MYOF: variants seen among roughly 807,000 people sequenced by gnomAD.
MYOF encodes the protein fer-1-like 3, myoferlin.
In MYOF, 244 loss-of-function variants were observed where a neutral mutation model predicts 284.2. That is an observed-to-expected ratio of 0.86 (90% CI 0.77 to 0.95). The LOEUF is 0.95. MYOF is among the 40% of genes least tolerant of loss of function. MYOF has a pLI of 0.00. For synonymous variants in MYOF, 904 were observed against 919.7 expected (o/e 0.98, Z 0.31); for missense variants, 2,496 against 2,560.6 (o/e 0.97, Z 0.54).
intron 1 of MYOF, among the ~76,000 whole-genome samples, chr10:93,481,169 T>C (rs1156923491): frequency 2.0e-5 from 3 of 152,186 alleles, no homozygotes; most frequent in African/African-American, 2.4e-5. Context: ...TCCCCTGCAA[T>C]GGCAATCAAG....
chr10:93,388,106 C>G (rs947932887), intron 18 of MYOF, among the ~76,000 whole-genome samples, 193 bp from the exon 19 acceptor site: 2 of 151,894 alleles, frequency 1.3e-5, no homozygotes, highest in African/African-American at 4.8e-5. Context: ...GGCTTTAGGA[C>G]AGATCTCAAA....
At chr10:93,340,294 T>C in intron 38 of MYOF, 130 bp from the exon 39 acceptor site, 1 of 856,870 alleles carries the variant, frequency 1.2e-6, no homozygotes, top group South Asian at 1.6e-5. Flanking sequence ...CCTTATATTA[T>C]CAACATTTCA....
intron 43 of MYOF, among the ~76,000 whole-genome samples, chr10:93,331,370 G>A (rs1019531638): frequency 2.0e-5 from 3 of 152,154 alleles, no homozygotes; most frequent in Non-Finnish European, 2.9e-5. Flanking sequence ...CTGCCCATCC[G>A]CCAGACAGCG....
At chr10:93,376,662 C>T (rs1490994324) in intron 22 of MYOF, among the ~76,000 whole-genome samples, 11 of 152,108 alleles carry the variant, frequency 7.2e-5, no homozygotes, top group African/African-American at 2.2e-4. Context: ...GCTTTTCTTT[C>T]GGAACTTCCC....
chr10:93,337,692 G>A (rs1267797437), intron 40 of MYOF, 123 bp downstream of exon 40: 5 of 732,100 alleles, frequency 6.8e-6, no homozygotes, highest in Admixed American at 2.7e-5. Flanking sequence ...GAAGACAGAG[G>A]TTTTCCTGGG....
At chr10:93,405,956 C>T (rs1589517680) in intron 7 of MYOF, among the ~76,000 whole-genome samples, 1 of 151,284 alleles carries the variant, frequency 6.6e-6, no homozygotes, top group African/African-American at 2.4e-5. Context: ...CATCACCATG[C>T]CAGGCTAATT....
chr10:93,359,690 G>A (rs1421053500), intron 29 of MYOF, 143 bp downstream of exon 29: 1 of 999,924 alleles, frequency 1.0e-6, no homozygotes, highest in Admixed American at 2.7e-5. Flanking sequence ...GCTGGCTGGG[G>A]TGGGCTCACT....
intron 5 of MYOF, among the ~76,000 whole-genome samples, chr10:93,424,237 G>A (rs1337532782): frequency 6.6e-6 from 1 of 152,198 alleles, no homozygotes; most frequent in Non-Finnish European, 1.5e-5. Flanking sequence ...AAGATGCCCT[G>A]ATCTTTCCAA....
At chr10:93,475,028 C>T (rs1245989879) in intron 1 of MYOF, among the ~76,000 whole-genome samples, 1 of 152,160 alleles carries the variant, frequency 6.6e-6, no homozygotes, top group Non-Finnish European at 1.5e-5. Context: ...GGATTACAGG[C>T]GTGAGCCATC....
At position 93,482,240 on chromosome 10, in the gene MYOF, C is replaced by G. The variant is rs548829895; in HGVS notation, c.-46G>C. The stretch of plus-strand genomic sequence containing the variant: ...CAAGTTTCAGCAAACGAAGTGGAGA[C>G]TAGGGCGCTGGAGCTCCGGGTCGCA... On this transcript the variant is annotated 5_prime_UTR_variant, in exon 1 of 54. Transcript: ENST00000359263. The G allele has an allele frequency of 7.8e-6, 12 of 1,543,076 alleles. No individual in the cohort carries two copies. In the African/African-American group the frequency reaches 9.6e-5, roughly 12 times the overall value.
intron 23 of MYOF, among the ~76,000 whole-genome samples, chr10:93,373,646 T>C (rs1845697591): frequency 6.6e-6 from 1 of 152,224 alleles, no homozygotes. Flanking sequence ...TACCAAAGCA[T>C]ACAAAGTAGA....
chr10:93,376,325 G>A (rs575432252), intron 22 of MYOF, among the ~76,000 whole-genome samples: 9 of 152,144 alleles, frequency 5.9e-5, no homozygotes, highest in Non-Finnish European at 1.2e-4. Flanking sequence ...CACACTTGGG[G>A]CCTTGAACAA....
chr10:93,406,288 T>TTATACATATATATATATATATATATA (rs1554855589), intron 7 of MYOF, among the ~76,000 whole-genome samples: 15 of 58,148 alleles, frequency 2.6e-4, no homozygotes, highest in Non-Finnish European at 4.3e-4. Flanking sequence ...TAAACCTCTT[T>TTATACATATATATATATATATATATA]TATATATATA....
intron 17 of MYOF, among the ~76,000 whole-genome samples, chr10:93,391,401 G>A (rs1846668323): frequency 6.6e-6 from 1 of 151,782 alleles, no homozygotes; most frequent in South Asian, 2.1e-4. Context: ...AGACCAGCCT[G>A]GCCAACATGG....
chr10:93,409,750 A>G lies in MYOF; in HGVS notation c.434-11T>C. The stretch of plus-strand genomic sequence containing the variant: ...CTTCTTCCCCATCTCCTAAAATATC[A>G]GAAAGAAACCCAGTGAGGGATAGCC... On this transcript the variant is annotated splice_polypyrimidine_tract_variant and intron_variant, in intron 5 of 53. Coordinates refer to ENST00000359263, the MANE Select transcript of MYOF (RefSeq NM_013451.4). 1 of 1,613,946 alleles carries G rather than the reference A, an allele frequency of 6.2e-7. No homozygotes were observed. The highest frequency in any genetic ancestry group is 8.5e-7 in the Non-Finnish European group (1 of 1,179,986).
In MYOF at chr10:93,404,014, G is replaced by A. The variant is rs751422917; in HGVS notation, c.843+9C>T. 3.7e-6 allele frequency: 6 copies of A among 1,613,076 alleles called. No homozygotes were observed. The South Asian group carries it at 5.5e-5, about 15-fold the overall frequency. On this transcript the variant is annotated intron_variant, in intron 9 of 53. Coordinates refer to ENST00000359263, the MANE Select transcript of MYOF (RefSeq NM_013451.4). ...TGTAAGTTGAATGAAGCAGACTGTT[G>A]TCACTCACCTTAAATTCCCCCATCA...
At position 93,347,700 on chromosome 10, in the gene MYOF, A is replaced by G; in HGVS notation, c.4166T>C (p.Val1389Ala). The change falls in exon 37 of 54, where the codon GTC (valine) becomes GCC (alanine). Residue 1389 changes from valine to alanine, a missense_variant. Coordinates refer to ENST00000359263, the MANE Select transcript of MYOF (RefSeq NM_013451.4). ...DHRQFGRKPVVGQCTIERLDR... is the reference protein window; with the variant it reads ...DHRQFGRKPVAGQCTIERLDR... ...CAGGCGCTCGATGGTGCACTGGCCG[A>G]CGACAGGCTTCCGCCCAAACTGCCT... 1 of 1,614,136 alleles carries G rather than the reference A, an allele frequency of 6.2e-7. No homozygotes were observed. The highest frequency in any genetic ancestry group is 8.5e-7 in the Non-Finnish European group (1 of 1,180,026).
At chr10:93,467,642 A>G (rs1390826643) in intron 1 of MYOF, among the ~76,000 whole-genome samples, 1 of 152,152 alleles carries the variant, frequency 6.6e-6, no homozygotes, top group Non-Finnish European at 1.5e-5. Flanking sequence ...CCAAAGGATT[A>G]TAAATCATGC....
chr10:93,342,654 C>A (rs1843976408), intron 38 of MYOF, among the ~76,000 whole-genome samples: 1 of 152,172 alleles, frequency 6.6e-6, no homozygotes, highest in South Asian at 2.1e-4. Context: ...TGACTTTATT[C>A]TTCTCCTGTT....
Sources: allele counts gnomAD v4.1 joint callset (sites outside exome capture counted in the v4.1 genomes callset), GRCh38; gene constraint gnomAD v4.1.1; transcripts MANE v1.5; gene names NCBI Gene and HGNC (gene_info 2026-07-23, HGNC 2026-07-21).